ZNF335: variants seen among roughly 807,000 people sequenced by gnomAD.
ZNF335 encodes zinc finger protein 335.
ZNF335 carries 84 observed loss-of-function variants against 145.6 expected under a neutral mutation model. That is an observed-to-expected ratio of 0.58 (90% CI 0.48 to 0.69). The LOEUF (loss-of-function observed/expected upper bound fraction) is 0.69, where lower values mean the gene tolerates loss of function less well. Ranked by LOEUF, ZNF335 falls within the 30% of genes least tolerant of loss-of-function variation. ZNF335 has a pLI of 0.00. For synonymous variants in ZNF335, 761 were observed against 717.0 expected (o/e 1.06, Z -0.98); for missense variants, 1,865 against 1,809.7 (o/e 1.03, Z -0.55).
Position 45,962,053 on chromosome 20 carries a change from C to T in ZNF335, c.1646+17G>A. 1.9e-6 allele frequency: 3 copies of T among 1,560,048 alleles called. No homozygotes were observed. The highest frequency in any genetic ancestry group is 1.1e-5 in the South Asian group (1 of 90,020). On this transcript the variant is annotated intron_variant, in intron 10 of 27. Transcript: ENST00000322927. ...CCTGGCCTCTCTTGCCCAGGTCCCTCCCACCCCCACACTGACCGGTCCCGG... is the reference window on the plus strand; with the variant it reads ...CCTGGCCTCTCTTGCCCAGGTCCCTTCCACCCCCACACTGACCGGTCCCGG...
In ZNF335 at chr20:45,949,505, G is replaced by A. The variant is rs1387105717; in HGVS notation, c.3733C>T (p.Pro1245Ser). Residue 1245 changes from proline to serine, a missense_variant, in exon 25 of 28, where the codon CCT (proline) becomes TCT (serine). Transcript: ENST00000322927. Reference sequence around the variant, plus strand: ...CCTACCTGGATGTGATGGCCTTCAGGGACCACAACATATTCCTGGGGGAGC... The same window carrying A: ...CCTACCTGGATGTGATGGCCTTCAGAGACCACAACATATTCCTGGGGGAGC... ...HLLPQEYVVV[P>S]EGHHIQVQEG... The A allele has an allele frequency of 6.2e-7, 1 of 1,613,620 alleles. No homozygotes were observed. Among genetic ancestry groups the A allele is most frequent in the Non-Finnish European group, 8.5e-7 (1 of 1,179,972 alleles).
At position 45,967,715 on chromosome 20, in the gene ZNF335, T is replaced by C. The variant is rs1689279829; in HGVS notation, c.814+19A>G. The C allele has an allele frequency of 6.2e-7, 1 of 1,608,178 alleles. No homozygotes were observed. The highest frequency in any genetic ancestry group is 8.5e-7 in the Non-Finnish European group (1 of 1,176,784). On this transcript the variant is annotated intron_variant, in intron 5 of 27. Coordinates refer to ENST00000322927, the MANE Select transcript of ZNF335 (RefSeq NM_022095.4). ...CCCCTACCCATGCAGTCCAAGCAGG[T>C]AGGCTGCTACTGACGCACCTGGACG...
At position 45,948,774 on chromosome 20, in the gene ZNF335, T is replaced by C. The variant is rs573939367; in HGVS notation, c.*179A>G. On this transcript the variant is annotated 3_prime_UTR_variant, in exon 28 of 28. Transcript: ENST00000322927. ...GCAGGCTGGGGCACCCAGCATGTCC[T>C]GGCTGGGGCCCATGGCTGCCCCTAA... 4.1e-6 allele frequency: 4 copies of C among 964,228 alleles called. 1 individual carries two copies. The South Asian group carries it at 6.3e-5, about 15-fold the overall frequency. 59.7% of individuals were successfully genotyped at this position (964,228 alleles called of 1,614,324 possible).
At chr20:45,963,188 A>C (rs1220940898) in intron 9 of ZNF335, among the ~76,000 whole-genome samples, 2 of 152,098 alleles carry the variant, frequency 1.3e-5, no homozygotes, top group African/African-American at 2.4e-5. Context: ...TCAGATGAAA[A>C]CAGTTTTATG....
chr20:45,967,007 ACAG>A (rs901772664), intron 6 of ZNF335: 3 of 180,874 alleles, frequency 1.7e-5, no homozygotes, highest in Non-Finnish European at 2.4e-5. Context: ...ACATACCACA[ACAG>A]GCTAATTTTT....
At chr20:45,949,652 A>G (rs1286149992) in intron 24 of ZNF335, 84 bp from the exon 25 acceptor site, 2 of 1,474,382 alleles carry the variant, frequency 1.4e-6, no homozygotes, top group Non-Finnish European at 1.9e-6. Flanking sequence ...AGAGTGGAAG[A>G]CTAGGAACAG....
In ZNF335 at chr20:45,972,150, TG is replaced by T. The variant is rs1427083707; in HGVS notation, c.-80del. The stretch of plus-strand genomic sequence containing the variant: ...AGGCTTTCGTAGCCACGTTCCTCTC[TG>T]ACTCCGGCATCGACGAGGTCGCCAT... On this transcript the variant is annotated 5_prime_UTR_variant, in exon 1 of 28. It introduces an in-frame stop codon into an upstream open reading frame of the 5' UTR. Transcript: ENST00000322927. 11 of 1,289,408 alleles carry T rather than the reference TG, an allele frequency of 8.5e-6. No homozygotes were observed. Among genetic ancestry groups the T allele is most frequent in the Non-Finnish European group, 1.1e-5 (11 of 988,690 alleles). The allele number at this position is 1,289,408 out of a possible 1,614,324, so 79.9% of individuals were successfully genotyped here.
At chr20:45,964,565 A>C (rs1050905595) in intron 7 of ZNF335, 1 of 152,482 alleles carries the variant, frequency 6.6e-6, no homozygotes, top group Non-Finnish European at 1.5e-5. Flanking sequence ...TTAAATATGT[A>C]CTAGACAAAT....
At position 45,967,882 on chromosome 20, in the gene ZNF335, G is replaced by C. The variant is rs774334483; in HGVS notation, c.666C>G (p.Ala222=). 2.4e-5 allele frequency: 38 copies of C among 1,612,662 alleles called. No homozygotes were observed. Among genetic ancestry groups the C allele is most frequent in the Non-Finnish European group, 3.1e-5 (37 of 1,179,688 alleles). The change falls in exon 5 of 28, where the codon GCC becomes GCG. Residue 222 remains alanine (A), a synonymous_variant. Transcript: ENST00000322927. ...GPSSPVQLPP[A]SGAEEPDLQS... is the part of the protein sequence containing the mutation. Reference sequence around the variant, plus strand: ...GCAGGTCCGGCTCTTCGGCACCGGAGGCTGGGGGCAGCTGCACCGGGGAGC... The same window carrying C: ...GCAGGTCCGGCTCTTCGGCACCGGACGCTGGGGGCAGCTGCACCGGGGAGC...
intron 6 of ZNF335, among the ~76,000 whole-genome samples, chr20:45,966,547 CTTTCTTTTTTT>C (rs957409526): frequency 7.1e-5 from 10 of 140,618 alleles, no homozygotes; most frequent in African/African-American, 2.5e-4. Flanking sequence ...GTTTCTTTTT[CTTTCTTTTTTT>C]TTTTTTTTCT....
At chr20:45,959,530 G>A in intron 14 of ZNF335, 97 bp from the exon 15 acceptor site, 1 of 901,274 alleles carries the variant, frequency 1.1e-6, no homozygotes, top group South Asian at 2.9e-5. Flanking sequence ...CCAACTGACT[G>A]ACTTCCAGCG....
intron 2 of ZNF335, 73 bp from the exon 3 acceptor site, chr20:45,969,764 C>G (rs2084025853): frequency 6.4e-7 from 1 of 1,561,620 alleles, no homozygotes; most frequent in Non-Finnish European, 8.7e-7. Flanking sequence ...CCAGCTCCCA[C>G]TTGCTAGACA....
At chr20:45,969,888 T>A in intron 2 of ZNF335, 197 bp from the exon 3 acceptor site, 1 of 592,818 alleles carries the variant, frequency 1.7e-6, no homozygotes, top group South Asian at 2.7e-5. Flanking sequence ...AGTCACAGGG[T>A]CCCTGGATCT....
chr20:45,965,036 T>C (rs1156328878), intron 7 of ZNF335, among the ~76,000 whole-genome samples: 1 of 145,918 alleles, frequency 6.9e-6, no homozygotes, highest in Middle Eastern at 3.3e-3. Context: ...CTCAAAATAA[T>C]AATAATAATA....
At chr20:45,953,211 A>G (rs1235155619) in intron 18 of ZNF335, among the ~76,000 whole-genome samples, 2 of 152,176 alleles carry the variant, frequency 1.3e-5, no homozygotes, top group African/African-American at 4.8e-5. Flanking sequence ...GAACATAAAC[A>G]TGCCTGCCCA....
At chr20:45,958,055 CTTT>C (rs796983437) in intron 15 of ZNF335, 127 bp from the exon 16 acceptor site, 40 of 583,052 alleles carry the variant, frequency 6.9e-5, no homozygotes, top group Admixed American at 9.1e-5. Flanking sequence ...AACCACTTTT[CTTT>C]TTTTTTTTTT....
chr20:45,971,266 C>T lies in ZNF335; in HGVS notation c.145G>A (p.Ala49Thr), dbSNP rs747875701. Reference sequence around the variant, plus strand: ...CCCACGCCAGAGTCATCGGCCTCTGCCTGCCCCGGGGCGGCCGCGGCGTCG... The same window carrying T: ...CCCACGCCAGAGTCATCGGCCTCTGTCTGCCCCGGGGCGGCCGCGGCGTCG... ...SSDAAAAPGQ[A>T]EADDSGVGQS... The change falls in exon 2 of 28, where the codon GCA (alanine) becomes ACA (threonine). Residue 49 changes from alanine (A) to threonine (T), a missense_variant. Ala to Thr is a moderately conservative substitution (Grantham distance 58). Coordinates refer to ENST00000322927, the MANE Select transcript of ZNF335 (RefSeq NM_022095.4). 1.6e-4 allele frequency: 246 copies of T among 1,567,198 alleles called. 2 individuals carry two copies. The highest frequency in any genetic ancestry group is 3.7e-5 in the Admixed American group (2 of 54,728).
At position 45,960,452 on chromosome 20, in the gene ZNF335, C is replaced by T. The variant is rs555774487; in HGVS notation, c.1856G>A (p.Arg619His). The T allele has an allele frequency of 1.8e-5, 29 of 1,614,182 alleles. No homozygotes were observed. In the East Asian group the frequency reaches 3.3e-4, roughly 19 times the overall value. ...AGGGGCCTCCAAGGGGATGTACCTG[C>T]GGTTGGCAACAGCCTGGATGTGCGT... Reference protein sequence around the residue: ...LLTHIQAVANRRFKCEFCEFV... With the variant: ...LLTHIQAVANHRFKCEFCEFV... Residue 619 changes from arginine (R) to histidine (H), a missense_variant, in exon 13 of 28, where the codon CGC (arginine) becomes CAC (histidine). Coordinates refer to ENST00000322927, the MANE Select transcript of ZNF335 (RefSeq NM_022095.4).
Position 45,963,597 on chromosome 20 carries a change from C to T in ZNF335, c.1409G>A (p.Cys470Tyr). 6.2e-7 allele frequency: 1 copy of T among 1,614,250 alleles called. No individual in the cohort carries two copies. The highest frequency in any genetic ancestry group is 8.5e-7 in the Non-Finnish European group (1 of 1,180,050). ...CTCGTGGGACAGAAAGCGAGAACCACAGATGCGGCACAGGAAGGGCCTCAA... is the reference window on the plus strand; with the variant it reads ...CTCGTGGGACAGAAAGCGAGAACCATAGATGCGGCACAGGAAGGGCCTCAA... ...PLLRPFLCRI[C>Y]GSRFLSHEDL... is the part of the protein sequence containing the mutation. The change falls in exon 9 of 28, where the codon TGT becomes TAT. Residue 470 changes from cysteine to tyrosine, a missense_variant. Physicochemically the swap from Cys to Tyr is radical, Grantham distance 194. Transcript: ENST00000322927.
Sources: allele counts gnomAD v4.1 joint callset (sites outside exome capture counted in the v4.1 genomes callset), GRCh38; gene constraint gnomAD v4.1.1; transcripts MANE v1.5; gene names NCBI Gene and HGNC (gene_info 2026-07-23, HGNC 2026-07-21).